Variants in ZNF320 observed in about 807,000 individuals in gnomAD.
ZNF320 encodes zinc finger protein 320, also known as zinc finger gene 320.
Under a neutral mutation model 6.8 loss-of-function variants are expected in ZNF320, and 2 were observed. The ratio of observed to expected loss-of-function variants is 0.29; its 90% CI spans 0.12 to 0.93. ZNF320 has a LOEUF of 0.93. Among genes scored for constraint, ZNF320 ranks in the 40% least tolerant of loss-of-function variants. The pLI, the probability that ZNF320 is intolerant of heterozygous loss-of-function variation, is 0.55. For missense variants in ZNF320, 472 were observed against 611.0 expected (o/e 0.77, Z 2.40); for synonymous variants, 208 against 203.2 (o/e 1.02, Z -0.20).
chr19:52,880,899 T>C lies in ZNF320; in HGVS notation c.1227A>G (p.Gly409=). The change falls in exon 6 of 6, where the codon GGA becomes GGG. Residue 409 remains glycine, a synonymous_variant. Transcript: ENST00000682928. ...YLACHQKLHT[G]EKLYECEECD... ...ATTCTTCACATTCGTAAAGTTTCTC[T>C]CCAGTATGAAGTTTTTGATGACATG... 1.2e-6 allele frequency: 2 copies of C among 1,613,424 alleles called. No individual in the cohort carries two copies. Among genetic ancestry groups the C allele is most frequent in the Non-Finnish European group, 1.7e-6 (2 of 1,179,442 alleles).
exon 6 of ZNF320, chr19:52,863,691 A>C (rs2063499990): frequency 6.5e-6 from 1 of 154,446 alleles, no homozygotes; most frequent in Non-Finnish European, 1.4e-5. Context: ...GAAAAGTGTA[A>C]CTGTTACAGG....
downstream of ZNF320, among the ~76,000 whole-genome samples, chr19:52,872,543 C>T (rs371009955): frequency 3.0e-4 from 46 of 152,264 alleles, no homozygotes; most frequent in South Asian, 2.9e-3. Context: ...TGCTCTGTCA[C>T]GCAGGTGGAG....
In ZNF320 at chr19:52,890,305, A is replaced by G. The variant is rs767420831; in HGVS notation, c.-50T>C. The G allele has an allele frequency of 3.1e-6, 5 of 1,594,982 alleles. No individual in the cohort carries two copies. Among genetic ancestry groups the G allele is most frequent in the Non-Finnish European group, 3.4e-6 (4 of 1,173,868 alleles). ...CCTCTTCTGGGTTTCTTCCTCAGGT[A>G]CCAAGAGTCTTTAGAAGTCAATCCT... On this transcript the variant is annotated 5_prime_UTR_variant, in exon 4 of 6. Transcript: ENST00000682928.
chr19:52,889,500 T>C (rs2064216885), intron 4 of ZNF320, among the ~76,000 whole-genome samples: 1 of 152,104 alleles, frequency 6.6e-6, no homozygotes, highest in Admixed American at 6.6e-5. Flanking sequence ...TATGGCTTTA[T>C]CCTCTAGGAT....
the ZNF320 span, among the ~76,000 whole-genome samples, chr19:52,903,475 G>C: frequency 6.6e-6 from 1 of 152,020 alleles, no homozygotes; most frequent in African/African-American, 2.4e-5. Context: ...TACTGAAACT[G>C]GTCTGGGTGC....
rs1600608186 is a variant in ZNF320, at chr19:52,879,828, A to G, written c.*768T>C. ...AATTTAAAAAGAAAATTAAAAAAAC[A>G]CTTTCATTTGCTAAAGAACTTAAAG... On this transcript the variant is annotated 3_prime_UTR_variant, in exon 6 of 6. Coordinates refer to ENST00000682928, the MANE Select transcript of ZNF320 (RefSeq NM_001351774.2). The G allele has an allele frequency of 6.6e-6, 1 of 152,210 alleles. No homozygotes were observed. The highest frequency in any genetic ancestry group is 1.9e-4 in the East Asian group (1 of 5,196). The allele number at this position is 152,210 out of a possible 1,614,324, so 9.4% of individuals were successfully genotyped here. A position where few individuals can be genotyped will look rare whatever the true frequency, so the allele number is the denominator to read the frequency against.
At chr19:52,900,915 T>A (rs2064569275), upstream of ZNF320, among the ~76,000 whole-genome samples, 2 of 112,326 alleles carry the variant, frequency 1.8e-5, no homozygotes, top group African/African-American at 3.1e-5. Flanking sequence ...TATACTTATT[T>A]TTTTTTTTAA....
intron 5 of ZNF320, among the ~76,000 whole-genome samples, chr19:52,866,026 TTATA>T (rs1288868591): frequency 8.4e-6 from 1 of 119,730 alleles, no homozygotes; most frequent in Non-Finnish European, 1.7e-5. Context: ...TTATACATAT[TTATA>T]TATATGATTA....
chr19:52,874,107 G>A, downstream of ZNF320: 4 of 316,962 alleles, frequency 1.3e-5, no homozygotes. Context: ...TTAATGTTTA[G>A]AAATCACTCC....
downstream of ZNF320, among the ~76,000 whole-genome samples, chr19:52,873,264 T>C (rs534904656): frequency 2.0e-5 from 3 of 152,322 alleles, no homozygotes; most frequent in African/African-American, 7.2e-5. Context: ...TCAGGCTGTC[T>C]CCATTGGGGG....
At chr19:52,863,041 A>G (rs1229565068) in exon 6 of ZNF320, among the ~76,000 whole-genome samples, 2 of 152,062 alleles carry the variant, frequency 1.3e-5, no homozygotes, top group Admixed American at 1.3e-4. Context: ...GGCTCATTGC[A>G]AACTGCCTCC....
upstream of ZNF320, among the ~76,000 whole-genome samples, chr19:52,898,719 C>A (rs902534993): frequency 6.6e-6 from 1 of 152,148 alleles, no homozygotes; most frequent in Non-Finnish European, 1.5e-5. Context: ...AGCGAGCAGG[C>A]GGTACGTGAC....
downstream of ZNF320, among the ~76,000 whole-genome samples, chr19:52,859,914 CTTT>C (rs36107250): frequency 9.2e-5 from 12 of 130,856 alleles, no homozygotes; most frequent in Non-Finnish European, 8.1e-5. Context: ...GTTTTTCTTT[CTTT>C]TTTTTTTTTT....
In ZNF320 at chr19:52,879,066, T is replaced by C. The variant is rs567589389; in HGVS notation, c.*1530A>G. ...TTGATTGAGTCTCTTTTCAAACTCATGTCTTACCCATCTGAGTGCCTCAAA... is the reference window on the plus strand; with the variant it reads ...TTGATTGAGTCTCTTTTCAAACTCACGTCTTACCCATCTGAGTGCCTCAAA... On this transcript the variant is annotated 3_prime_UTR_variant, in exon 6 of 6. Coordinates refer to ENST00000682928, the MANE Select transcript of ZNF320 (RefSeq NM_001351774.2). The C allele has an allele frequency of 6.6e-6, 1 of 152,234 alleles. No individual in the cohort carries two copies. Among genetic ancestry groups the C allele is most frequent in the Admixed American group, 6.5e-5 (1 of 15,272 alleles). The allele number at this position is 152,234 out of a possible 1,614,324, so 9.4% of individuals were successfully genotyped here. A position where few individuals can be genotyped will look rare whatever the true frequency, so the allele number is the denominator to read the frequency against.
upstream of ZNF320, among the ~76,000 whole-genome samples, chr19:52,899,526 AG>A (rs1568737320): frequency 6.6e-6 from 1 of 152,058 alleles, no homozygotes. Flanking sequence ...GCAGTGGTGC[AG>A]TCTCAGCTCA....
the ZNF320 span, among the ~76,000 whole-genome samples, chr19:52,904,230 A>G: frequency 6.6e-6 from 1 of 152,178 alleles, no homozygotes; most frequent in South Asian, 2.1e-4. Context: ...GCAATTTCCT[A>G]CCCAGGAGCG....
rs750846969 is a variant in ZNF320, at chr19:52,890,213, GA to G, written c.15+27del. On this transcript the variant is annotated intron_variant, in intron 4 of 5. Coordinates refer to ENST00000682928, the MANE Select transcript of ZNF320 (RefSeq NM_001351774.2). ...CAGCATTTCTGAAAGGAAGGAGACAGAACAATCCACCGAGAATATCATCTCA... is the reference window on the plus strand; with the variant it reads ...CAGCATTTCTGAAAGGAAGGAGACAGACAATCCACCGAGAATATCATCTCA... 34 of 1,605,900 alleles carry G rather than the reference GA, an allele frequency of 2.1e-5. No individual in the cohort carries two copies. In the African/African-American group the frequency reaches 4.1e-4, roughly 20 times the overall value.
upstream of ZNF320, among the ~76,000 whole-genome samples, chr19:52,901,547 G>A (rs1400289535): frequency 6.6e-6 from 1 of 152,142 alleles, no homozygotes; most frequent in African/African-American, 2.4e-5. Flanking sequence ...GGGCCCACTA[G>A]AATAAACTGA....
At chr19:52,865,237 G>A (rs1306323097) in intron 5 of ZNF320, 12 of 163,496 alleles carry the variant, frequency 7.3e-5, no homozygotes, top group African/African-American at 9.7e-5. Context: ...CAGAAGAATC[G>A]CTTGAACCCA....
Sources: gnomAD v4.1 joint callset for allele counts (sites outside exome capture counted in the v4.1 genomes callset) on GRCh38, gnomAD v4.1.1 for gene constraint, MANE v1.5 for transcripts, NCBI Gene and HGNC (gene_info 2026-07-23, HGNC 2026-07-21) for gene names.